HIVEP1: variants seen among roughly 807,000 people sequenced by gnomAD.
HIVEP1 encodes the protein HIVEP zinc finger 1.
In HIVEP1, 36 loss-of-function variants were observed where a neutral mutation model predicts 180.0. That is an observed-to-expected ratio of 0.20 (90% CI 0.15 to 0.26). HIVEP1 has a LOEUF of 0.26. HIVEP1 is among the 10% of genes least tolerant of loss of function. The pLI, the probability that HIVEP1 is intolerant of heterozygous loss-of-function variation, is 1.00. For missense variants in HIVEP1, 3,143 were observed against 3,268.7 expected, an observed-to-expected ratio of 0.96 and a Z score of 0.94; for synonymous variants, 1,239 against 1,239.0, an observed-to-expected ratio of 1.00 and a Z score of 0.00.
the HIVEP1 span, among the ~76,000 whole-genome samples, chr6:12,190,455 C>T: frequency 6.6e-6 from 1 of 152,150 alleles, no homozygotes; most frequent in African/African-American, 2.4e-5. Flanking sequence ...TATTGACCTT[C>T]TCTCAGTTCC....
chr6:12,050,510 C>T (rs1265925190), intron 2 of HIVEP1, among the ~76,000 whole-genome samples: 5 of 151,824 alleles, frequency 3.3e-5, no homozygotes, highest in South Asian at 4.2e-4. Context: ...GGCGTGAACC[C>T]GGGAGGCGGA....
chr6:12,090,765 T>G (rs1773424973), intron 3 of HIVEP1, among the ~76,000 whole-genome samples: 1 of 137,322 alleles, frequency 7.3e-6, no homozygotes. Context: ...TTTTTACATC[T>G]AGTCATGGTT....
the HIVEP1 span, among the ~76,000 whole-genome samples, chr6:12,190,548 T>A: frequency 6.6e-6 from 1 of 152,188 alleles, no homozygotes; most frequent in Admixed American, 6.5e-5. Flanking sequence ...CTCTGCATTA[T>A]CGGGCTCCCT....
At chr6:12,042,507 A>G (rs1056132995) in intron 2 of HIVEP1, among the ~76,000 whole-genome samples, 2 of 150,476 alleles carry the variant, frequency 1.3e-5, no homozygotes, top group African/African-American at 4.9e-5. Flanking sequence ...GTGCCCCCAT[A>G]CCCTATCTTA....
intron 2 of HIVEP1, among the ~76,000 whole-genome samples, chr6:12,087,061 G>A (rs941514695): frequency 6.6e-6 from 1 of 152,052 alleles, no homozygotes; most frequent in African/African-American, 2.4e-5. Flanking sequence ...ACCTATTGAC[G>A]TGGAGCTATA....
upstream of HIVEP1, among the ~76,000 whole-genome samples, chr6:12,009,820 T>C (rs1219768285): frequency 6.6e-6 from 1 of 152,266 alleles, no homozygotes; most frequent in African/African-American, 2.4e-5. Context: ...GGTTTGCTGC[T>C]CAAGGAAATA....
intron 2 of HIVEP1, among the ~76,000 whole-genome samples, chr6:12,017,040 G>A (rs758615859): frequency 2.6e-5 from 4 of 152,220 alleles, no homozygotes; most frequent in African/African-American, 4.8e-5. Context: ...TTGAAGGAAC[G>A]AGTGCATGAT....
intron 3 of HIVEP1, among the ~76,000 whole-genome samples, chr6:12,102,885 A>T (rs1774195362): frequency 6.6e-6 from 1 of 152,206 alleles, no homozygotes; most frequent in Non-Finnish European, 1.5e-5. Flanking sequence ...GTACATACTT[A>T]TAAAATGATT....
At chr6:12,020,689 G>A (rs1353596565) in intron 2 of HIVEP1, among the ~76,000 whole-genome samples, 1 of 152,094 alleles carries the variant, frequency 6.6e-6, no homozygotes, top group Non-Finnish European at 1.5e-5. Context: ...TTGTATTTGG[G>A]CCTAGGGTTT....
chr6:12,186,796 C>T, the HIVEP1 span, among the ~76,000 whole-genome samples: 1 of 151,782 alleles, frequency 6.6e-6, no homozygotes, highest in African/African-American at 2.4e-5. Context: ...AATAAACAGA[C>T]CTGAGATGAC....
intron 2 of HIVEP1, among the ~76,000 whole-genome samples, chr6:12,023,842 T>A (rs1331727816): frequency 6.6e-6 from 1 of 152,214 alleles, no homozygotes; most frequent in African/African-American, 2.4e-5. Flanking sequence ...TGAGGTACAA[T>A]CTTATCTTAC....
chr6:12,095,701 A>G (rs1773745106), intron 3 of HIVEP1, among the ~76,000 whole-genome samples: 1 of 151,980 alleles, frequency 6.6e-6, no homozygotes, highest in South Asian at 2.1e-4. Flanking sequence ...AGCATTTTAT[A>G]AGTAAATTAA....
intron 2 of HIVEP1, among the ~76,000 whole-genome samples, chr6:12,025,916 T>G (rs1768554373): frequency 6.6e-6 from 1 of 152,086 alleles, no homozygotes; most frequent in Non-Finnish European, 1.5e-5. Flanking sequence ...GGCAGGTCCC[T>G]CTAATCCCAG....
At chr6:12,065,336 A>T (rs924381112) in intron 2 of HIVEP1, among the ~76,000 whole-genome samples, 9 of 152,234 alleles carry the variant, frequency 5.9e-5, no homozygotes, top group African/African-American at 2.2e-4. Flanking sequence ...TCACACACAT[A>T]CATTTAACAC....
intron 2 of HIVEP1, among the ~76,000 whole-genome samples, chr6:12,074,644 G>GTGTGTGTGTGTGTGTATGTGTGTGCA (rs57537928): frequency 3.9e-5 from 4 of 101,708 alleles, no homozygotes; most frequent in South Asian, 2.8e-4. Context: ...GTGTGTGTGT[G>GTGTGTGTGTGTGTGTATGTGTGTGCA]CGCGCGCGTG....
At chr6:12,034,494 G>A (rs1217830227) in intron 2 of HIVEP1, among the ~76,000 whole-genome samples, 1 of 152,196 alleles carries the variant, frequency 6.6e-6, no homozygotes, top group African/African-American at 2.4e-5. Flanking sequence ...ATACATTGTA[G>A]CCTCAGCGAC....
At chr6:12,102,777 C>G (rs1422094953) in intron 3 of HIVEP1, among the ~76,000 whole-genome samples, 1 of 152,158 alleles carries the variant, frequency 6.6e-6, no homozygotes, top group South Asian at 2.1e-4. Context: ...AACATTTGAT[C>G]TCATTTTCTT....
At chr6:12,014,353 C>G (rs753668101) in intron 1 of HIVEP1, among the ~76,000 whole-genome samples, 3 of 152,160 alleles carry the variant, frequency 2.0e-5, no homozygotes, top group Non-Finnish European at 2.9e-5. Context: ...AGTTGTTTAT[C>G]TTGGACAAGT....
At chr6:12,018,489 A>T (rs1767981825) in intron 2 of HIVEP1, among the ~76,000 whole-genome samples, 1 of 152,262 alleles carries the variant, frequency 6.6e-6, no homozygotes, top group Non-Finnish European at 1.5e-5. Flanking sequence ...ATAAAATGAT[A>T]AAACACAGGT....
Sources: gnomAD v4.1 joint callset for allele counts (sites outside exome capture counted in the v4.1 genomes callset) on GRCh38, gnomAD v4.1.1 for gene constraint, MANE v1.5 for transcripts, NCBI Gene and HGNC (gene_info 2026-07-23, HGNC 2026-07-21) for gene names.